RANGAP1: variants seen among roughly 807,000 people sequenced by gnomAD.
RANGAP1 encodes the protein Ran GTPase activating protein 1, also known as ran GTPase-activating protein 1.
Under a neutral mutation model 63.5 loss-of-function variants are expected in RANGAP1, and 38 were observed. That is an observed-to-expected ratio of 0.60 (90% confidence interval 0.46 to 0.78). The LOEUF is 0.78. Ranked by LOEUF, RANGAP1 falls within the 30% of genes least tolerant of loss-of-function variation. The pLI is 0.00. For missense variants in RANGAP1, 630 were observed against 740.3 expected (o/e 0.85, Z 1.73); for synonymous variants, 329 against 310.5 (o/e 1.06, Z -0.63).
At chr22:41,296,791 A>G in the RANGAP1 span, among the ~76,000 whole-genome samples, 3 of 152,208 alleles carry the variant, frequency 2.0e-5, no homozygotes, top group Admixed American at 1.3e-4. Flanking sequence ...CACACACACA[A>G]AGTGATTTAT....
rs1291017211 is a variant in RANGAP1 at position 41,271,668 on chromosome 22, T to G, written c.240+2932A>C. ...GAGATCACGCCACTGCACTCCAGCC[T>G]GGGGACAGAGCGAGACTCCGTCTCA... On this transcript the variant is annotated intron_variant, in intron 3 of 15. Transcript: ENST00000356244. Among the ~76,000 whole-genome samples the G allele has an allele frequency of 2.8e-5, 4 of 143,534 alleles. 1 individual carries two copies. Among genetic ancestry groups the G allele is most frequent in the African/African-American group, 1.1e-4 (4 of 37,722 alleles). 94.2% of individuals were successfully genotyped at this position (143,534 alleles called of 152,430 possible). A position where few individuals can be genotyped will look rare whatever the true frequency, so the allele number is the denominator to read the frequency against.
intron 2 of RANGAP1, among the ~76,000 whole-genome samples, chr22:41,280,241 A>G (rs1473123232): frequency 6.6e-6 from 1 of 152,220 alleles, no homozygotes; most frequent in South Asian, 2.1e-4. Flanking sequence ...CTGCCTACAC[A>G]ACATGACAAC....
intron 11 of RANGAP1, among the ~76,000 whole-genome samples, chr22:41,253,440 A>G (rs2033611061): frequency 6.6e-6 from 1 of 152,256 alleles, no homozygotes; most frequent in African/African-American, 2.4e-5. Context: ...AAACCAGAGA[A>G]GCAGCCCAAT....
chr22:41,290,323 G>A (rs578225073), upstream of RANGAP1, among the ~76,000 whole-genome samples: 9 of 150,926 alleles, frequency 6.0e-5, no homozygotes, highest in South Asian at 6.3e-4. Context: ...TCTGCCTCCC[G>A]GGTTCAAACG....
chr22:41,260,266 T>C (rs969749214), intron 6 of RANGAP1, among the ~76,000 whole-genome samples: 5 of 151,884 alleles, frequency 3.3e-5, no homozygotes, highest in African/African-American at 7.3e-5. Context: ...CTATGAAGGC[T>C]CAACACAACC....
chr22:41,255,089 A>T (rs988668734), intron 10 of RANGAP1, among the ~76,000 whole-genome samples: 8 of 152,012 alleles, frequency 5.3e-5, no homozygotes, highest in African/African-American at 1.7e-4. Flanking sequence ...CCTAGAGCCC[A>T]GGGCTTGGCA....
intron 15 of RANGAP1, among the ~76,000 whole-genome samples, chr22:41,248,716 A>C: frequency 6.6e-6 from 1 of 151,044 alleles, no homozygotes; most frequent in African/African-American, 2.5e-5. Context: ...AAGCCTCCCG[A>C]CCCCTCCCTG....
chr22:41,265,614 CCACGGCCA>C (rs1354633077), intron 4 of RANGAP1, among the ~76,000 whole-genome samples: 1 of 152,162 alleles, frequency 6.6e-6, no homozygotes, highest in African/African-American at 2.4e-5. Flanking sequence ...CATCTCTAAG[CCACGGCCA>C]GGATCAGCTT....
In RANGAP1 at chr22:41,263,962, G is replaced by T. The variant is rs12168727; in HGVS notation, c.480+702C>A. Among the ~76,000 whole-genome samples the T allele has an allele frequency of 1.5e-4, 23 of 152,356 alleles. No homozygotes were observed. In the South Asian group the frequency reaches 4.3e-3, roughly 29 times the overall value. ...ATGGCATCAGCCACCTTTCAGTGTG[G>T]GTGGGAAAAGTTAAGGTATTGCATA... On this transcript the variant is annotated intron_variant, in intron 5 of 15. Coordinates refer to ENST00000356244, the MANE Select transcript of RANGAP1 (RefSeq NM_002883.4).
intron 5 of RANGAP1, among the ~76,000 whole-genome samples, chr22:41,263,167 T>C (rs2034270831): frequency 1.3e-5 from 2 of 152,090 alleles, no homozygotes; most frequent in South Asian, 2.1e-4. Context: ...ATTACAAGTA[T>C]AGGACAGGCC....
Position 41,256,235 on chromosome 22 carries a change from T to G in RANGAP1, c.944A>C (p.Glu315Ala). ...CAGCTCAGCTTTGTCTGCCATGGCC[T>G]CAGCAACAGCCAGGGCAGCATCCCT... is the stretch of plus-strand genomic sequence containing the variant. ...IKRDAALAVA[E>A]AMADKAELEK... The change falls in exon 9 of 16, where the codon GAG becomes GCG. Residue 315 changes from glutamate (E) to alanine (A), a missense_variant. Physicochemically the swap from Glu to Ala is moderately radical, Grantham distance 107. Coordinates refer to ENST00000356244, the MANE Select transcript of RANGAP1 (RefSeq NM_002883.4). The G allele has an allele frequency of 6.2e-7, 1 of 1,614,158 alleles. No individual in the cohort carries two copies. The highest frequency in any genetic ancestry group is 8.5e-7 in the Non-Finnish European group (1 of 1,180,026).
chr22:41,254,344 G>A lies in RANGAP1; in HGVS notation c.1224C>T (p.Ala408=), dbSNP rs1485656175. 3 of 1,614,088 alleles carry A rather than the reference G, an allele frequency of 1.9e-6. No individual in the cohort carries two copies. The highest frequency in any genetic ancestry group is 2.2e-5 in the East Asian group (1 of 44,860). The change falls in exon 11 of 16, where the codon GCC becomes GCT. Residue 408 remains alanine (A), a synonymous_variant. Coordinates refer to ENST00000356244, the MANE Select transcript of RANGAP1 (RefSeq NM_002883.4). ...GGTCCAGAATCTTCCGTGAGGGCGT[G>A]GCTGACTTCTCTCCCTGCCCTCGCT... is the stretch of plus-strand genomic sequence containing the variant. ...PQQRGQGEKS[A]TPSRKILDPN...
intron 2 of RANGAP1, among the ~76,000 whole-genome samples, chr22:41,279,739 T>A (rs2035383223): frequency 1.3e-5 from 2 of 150,236 alleles, no homozygotes; most frequent in Non-Finnish European, 3.0e-5. Context: ...GAGACAGAAG[T>A]TGCAATGAGC....
intron 2 of RANGAP1, among the ~76,000 whole-genome samples, chr22:41,276,918 G>A (rs1397373547): frequency 6.0e-5 from 9 of 150,508 alleles, no homozygotes; most frequent in Non-Finnish European, 1.2e-4. Context: ...CCCAGGAGGC[G>A]GAGGTAGCAG....
At chr22:41,297,944 C>T in the RANGAP1 span, among the ~76,000 whole-genome samples, 117 of 152,010 alleles carry the variant, frequency 7.7e-4, 4 homozygotes, top group South Asian at 0.024. Flanking sequence ...ACTACAACGT[C>T]CGCCTCCTGG....
Position 41,261,608 on chromosome 22 carries a change from C to T in RANGAP1, c.481-28G>A, listed in dbSNP as rs373503577. 6 of 1,613,828 alleles carry T rather than the reference C, an allele frequency of 3.7e-6. No individual in the cohort carries two copies. In the African/African-American group the frequency reaches 8.0e-5, roughly 22 times the overall value. Reference sequence around the variant, plus strand: ...GTGGGGAAAGGCAAGGGGCCCTGGTCATGGGCAGGAGCCCCTTCTCCCAGC... The same window carrying T: ...GTGGGGAAAGGCAAGGGGCCCTGGTTATGGGCAGGAGCCCCTTCTCCCAGC... On this transcript the variant is annotated intron_variant, in intron 5 of 15. Transcript: ENST00000356244.
chr22:41,261,316 T>C (rs2145741272), intron 6 of RANGAP1, 130 bp downstream of exon 6: 1 of 1,392,226 alleles, frequency 7.2e-7, no homozygotes, highest in South Asian at 1.3e-5. Context: ...TTAACAGGCT[T>C]GGAGAGGGCA....
chr22:41,295,239 G>A, the RANGAP1 span, among the ~76,000 whole-genome samples: 1 of 151,782 alleles, frequency 6.6e-6, no homozygotes, highest in Non-Finnish European at 1.5e-5. Context: ...TGACAATGGC[G>A]GCTTTGTGGA....
At chr22:41,266,018 C>T (rs978663588) in intron 4 of RANGAP1, among the ~76,000 whole-genome samples, 2 of 152,160 alleles carry the variant, frequency 1.3e-5, no homozygotes, top group African/African-American at 4.8e-5. Context: ...CTGGCTAACA[C>T]AGTGAAACCC....
Sources: allele counts gnomAD v4.1 joint callset (sites outside exome capture counted in the v4.1 genomes callset), GRCh38; gene constraint gnomAD v4.1.1; transcripts MANE v1.5; gene names NCBI Gene and HGNC (gene_info 2026-07-23, HGNC 2026-07-21).